KCNIP1: variants seen among roughly 807,000 people sequenced by gnomAD.
KCNIP1 encodes A-type potassium channel modulatory protein KCNIP1.
In KCNIP1, 18 loss-of-function variants were observed where a neutral mutation model predicts 33.0. The ratio of observed to expected loss-of-function variants is 0.55; its 90% CI spans 0.38 to 0.81. The LOEUF (loss-of-function observed/expected upper bound fraction) is 0.81. Ranked by LOEUF, KCNIP1 falls within the 30% of genes least tolerant of loss-of-function variation. The pLI is 0.00. For missense variants in KCNIP1, 238 were observed against 271.6 expected (o/e 0.88, Z 0.87); for synonymous variants, 93 against 98.3 (o/e 0.95, Z 0.32).
At chr5:170,628,884 C>T (rs917352388) in intron 1 of KCNIP1, among the ~76,000 whole-genome samples, 13 of 152,188 alleles carry the variant, frequency 8.5e-5, no homozygotes, top group South Asian at 2.1e-4. Context: ...GAGCTCTGGC[C>T]GTGCATGAGG....
intron 1 of KCNIP1, among the ~76,000 whole-genome samples, chr5:170,708,188 C>T (rs102685): frequency 0.23 from 34,464 of 152,018 alleles, 4,023 homozygotes; most frequent in South Asian, 0.31. Context: ...CAAGCACCAA[C>T]GTGGATTTTT....
chr5:170,720,225 G>A (rs182799003), intron 2 of KCNIP1, 96 bp from the exon 3 acceptor site: 1 of 837,440 alleles, frequency 1.2e-6, no homozygotes, highest in African/African-American at 1.7e-5. Flanking sequence ...CCTGTCCCTG[G>A]GGATCATGAG....
At chr5:170,520,049 C>A (rs1403565775) in intron 1 of KCNIP1, among the ~76,000 whole-genome samples, 1 of 152,094 alleles carries the variant, frequency 6.6e-6, no homozygotes, top group Non-Finnish European at 1.5e-5. Context: ...CTAGTACCAC[C>A]CTGCGACTCT....
At chr5:170,473,670 G>A (rs906477237) in intron 1 of KCNIP1, among the ~76,000 whole-genome samples, 1 of 152,178 alleles carries the variant, frequency 6.6e-6, no homozygotes, top group African/African-American at 2.4e-5. Context: ...TCCCACACCT[G>A]TGGTCTTCCA....
chr5:170,478,054 C>G (rs1240424509), intron 1 of KCNIP1, among the ~76,000 whole-genome samples: 1 of 152,100 alleles, frequency 6.6e-6, no homozygotes, highest in East Asian at 1.9e-4. Context: ...GAATTTCATG[C>G]CTCCTGGGAG....
chr5:170,646,630 A>G (rs1227434284), intron 1 of KCNIP1, among the ~76,000 whole-genome samples: 1 of 152,150 alleles, frequency 6.6e-6, no homozygotes, highest in African/African-American at 2.4e-5. Context: ...CCTCCAGCTA[A>G]CATCATACTT....
At chr5:170,477,857 C>T (rs986609966) in intron 1 of KCNIP1, among the ~76,000 whole-genome samples, 1 of 152,132 alleles carries the variant, frequency 6.6e-6, no homozygotes, top group African/African-American at 2.4e-5. Flanking sequence ...GGATAGATAG[C>T]GATGAATCCC....
chr5:170,385,126 A>G (rs1341248665), intron 1 of KCNIP1, among the ~76,000 whole-genome samples: 1 of 152,140 alleles, frequency 6.6e-6, no homozygotes, highest in East Asian at 1.9e-4. Flanking sequence ...AGAATCTCAG[A>G]CCAGTGGGGC....
At chr5:170,477,866 C>A (rs966162970) in intron 1 of KCNIP1, among the ~76,000 whole-genome samples, 18 of 152,260 alleles carry the variant, frequency 1.2e-4, no homozygotes, top group African/African-American at 4.3e-4. Flanking sequence ...GCGATGAATC[C>A]CACACAGTCC....
At chr5:170,666,599 A>G (rs1379796209) in intron 1 of KCNIP1, among the ~76,000 whole-genome samples, 1 of 152,236 alleles carries the variant, frequency 6.6e-6, no homozygotes. Context: ...ATCCCAAATA[A>G]TCCAAGCAGC....
At chr5:170,535,864 G>A (rs1338763472) in intron 1 of KCNIP1, among the ~76,000 whole-genome samples, 3 of 152,212 alleles carry the variant, frequency 2.0e-5, no homozygotes, top group Non-Finnish European at 4.4e-5. Flanking sequence ...GCAGCTCGGT[G>A]TGAACTGCCC....
At chr5:170,480,856 T>C (rs1023534439) in intron 1 of KCNIP1, among the ~76,000 whole-genome samples, 1 of 152,112 alleles carries the variant, frequency 6.6e-6, no homozygotes, top group Non-Finnish European at 1.5e-5. Context: ...ACTACTAATT[T>C]CTATTTTTTT....
chr5:170,648,936 T>C (rs1760900927), intron 1 of KCNIP1, among the ~76,000 whole-genome samples: 1 of 152,202 alleles, frequency 6.6e-6, no homozygotes, highest in South Asian at 2.1e-4. Context: ...ATAAAGTTTA[T>C]TAATCAACAA....
intron 1 of KCNIP1, among the ~76,000 whole-genome samples, chr5:170,497,159 A>C (rs1463115504): frequency 6.6e-6 from 1 of 152,182 alleles, no homozygotes; most frequent in East Asian, 1.9e-4. Context: ...TGATGCCCTC[A>C]CAAAGTTGTG....
chr5:170,720,585 C>G (rs1274030640), intron 3 of KCNIP1, among the ~76,000 whole-genome samples, 195 bp downstream of exon 3: 1 of 152,192 alleles, frequency 6.6e-6, no homozygotes, highest in Admixed American at 6.5e-5. Flanking sequence ...AATGAACCCA[C>G]CCTGGAAGGG....
At chr5:170,427,322 G>GT (rs2113440488) in intron 1 of KCNIP1, among the ~76,000 whole-genome samples, 1 of 152,332 alleles carries the variant, frequency 6.6e-6, no homozygotes, top group East Asian at 1.9e-4. Context: ...GGCGTAAGGT[G>GT]TAAGACTCTG....
chr5:170,366,859 C>A (rs1295622450), intron 1 of KCNIP1, among the ~76,000 whole-genome samples: 1 of 152,204 alleles, frequency 6.6e-6, no homozygotes, highest in Admixed American at 6.5e-5. Flanking sequence ...AGACCCCTCG[C>A]CTCCTCCCTT....
At chr5:170,534,967 C>A (rs1755924043) in intron 1 of KCNIP1, among the ~76,000 whole-genome samples, 1 of 152,096 alleles carries the variant, frequency 6.6e-6, no homozygotes, top group African/African-American at 2.4e-5. Flanking sequence ...AACATGTTTC[C>A]TCCACAGGCA....
Position 170,489,356 on chromosome 5 carries a change from C to G in KCNIP1, c.88+135392C>G, listed in dbSNP as rs1245721215. On this transcript the variant is annotated intron_variant, in intron 1 of 7. Coordinates refer to the KCNIP1 transcript ENST00000377360. The surrounding 1 kb of genome is among the most constrained non-coding windows in gnomAD (Gnocchi z 4.3). ...AGAAGGAATGAGACTGTCTGGTTGC[C>G]GCTAGACTTTGGCCAGGGCTGTCCT... 6.6e-6 allele frequency among the ~76,000 whole-genome samples: 1 copy of G among 152,222 alleles called. No individual in the cohort carries two copies. The highest frequency in any genetic ancestry group is 1.5e-5 in the Non-Finnish European group (1 of 68,028).
Sources: gnomAD v4.1 joint callset for allele counts (sites outside exome capture counted in the v4.1 genomes callset) on GRCh38, gnomAD v4.1.1 for gene constraint, Gnocchi (gnomAD v3.1) non-coding constraint, MANE v1.5 for transcripts, NCBI Gene and HGNC (gene_info 2026-07-23, HGNC 2026-07-21) for gene names.